The following ZZEF1 variants were observed in gnomAD, a reference collection of about 807,000 sequenced individuals.
ZZEF1 encodes zinc finger ZZ-type and EF-hand domain-containing protein 1.
ZZEF1 carries 157 observed loss-of-function variants against 342.8 expected under a neutral mutation model. That is an observed-to-expected ratio of 0.46 (90% confidence interval 0.40 to 0.52). The LOEUF (loss-of-function observed/expected upper bound fraction) is 0.52. Among genes scored for constraint, ZZEF1 ranks in the 20% least tolerant of loss-of-function variants. The probability of loss-of-function intolerance (pLI) is 0.00; values close to 1 mark genes in which losing one functional copy is unlikely to be tolerated. For missense variants in ZZEF1, 3,480 were observed against 3,725.6 expected (o/e 0.93, Z 1.72); for synonymous variants, 1,505 against 1,429.1 (o/e 1.05, Z -1.20).
Position 4,017,754 on chromosome 17 carries a change from C to T in ZZEF1, c.7642-24G>A. 1 of 1,612,262 alleles carries T rather than the reference C, an allele frequency of 6.2e-7. No individual in the cohort carries two copies. Among genetic ancestry groups the T allele is most frequent in the African/African-American group, 1.3e-5 (1 of 75,036 alleles). ...GACTGCAAACCCAAGACCACCATTA[C>T]AGAGGTCTAGCCTTCTTACAGTGGT... On this transcript the variant is annotated intron_variant, in intron 47 of 54. Transcript: ENST00000381638. The surrounding 1 kb of genome is among the most constrained non-coding windows in gnomAD (Gnocchi z 5.1).
Position 4,109,869 on chromosome 17 carries a change from G to T in ZZEF1, c.1067-6C>A, listed in dbSNP as rs774865675. 1 of 1,613,842 alleles carries T rather than the reference G, an allele frequency of 6.2e-7. No homozygotes were observed. Among genetic ancestry groups the T allele is most frequent in the Non-Finnish European group, 8.5e-7 (1 of 1,179,920 alleles). On this transcript the variant is annotated splice_region_variant and splice_polypyrimidine_tract_variant and intron_variant, in intron 5 of 54. Coordinates refer to ENST00000381638, the MANE Select transcript of ZZEF1 (RefSeq NM_015113.4). Reference sequence around the variant, plus strand: ...CTTTATGTTAATCTGGACATCTGTCGAGCACAAACAAAAAATTCAGTATTG... The same window carrying T: ...CTTTATGTTAATCTGGACATCTGTCTAGCACAAACAAAAAATTCAGTATTG...
chr17:4,017,762 T>C lies in ZZEF1; in HGVS notation c.7642-32A>G, dbSNP rs774388040. 1.2e-6 allele frequency: 2 copies of C among 1,612,970 alleles called. No individual in the cohort carries two copies. The highest frequency in any genetic ancestry group is 1.7e-6 in the Non-Finnish European group (2 of 1,179,590). On this transcript the variant is annotated intron_variant, in intron 47 of 54. Transcript: ENST00000381638. The surrounding 1 kb of genome is among the most constrained non-coding windows in gnomAD (Gnocchi z 5.1). Reference sequence around the variant, plus strand: ...ACCCAAGACCACCATTACAGAGGTCTAGCCTTCTTACAGTGGTGGTATGGG... The same window carrying C: ...ACCCAAGACCACCATTACAGAGGTCCAGCCTTCTTACAGTGGTGGTATGGG...
intron 23 of ZZEF1, among the ~76,000 whole-genome samples, chr17:4,074,578 C>T (rs1225555141): frequency 6.6e-6 from 1 of 152,228 alleles, no homozygotes; most frequent in East Asian, 1.9e-4. Flanking sequence ...CAGCTTTCTA[C>T]ACCTGGGGTG....
Position 4,088,422 on chromosome 17 carries a change from T to C in ZZEF1, c.2241+256A>G, listed in dbSNP as rs907079757. On this transcript the variant is annotated intron_variant, in intron 13 of 54. Transcript: ENST00000381638. ...CAGCCACGGCCAGGGCTCTTGAAGA[T>C]GTGTCTGTAGGTCTACTCCGGGAGA... Among the ~76,000 whole-genome samples, 5 of 152,164 alleles carry C rather than the reference T, an allele frequency of 3.3e-5. No individual in the cohort carries two copies. The South Asian group carries it at 6.2e-4, about 19-fold the overall frequency.
chr17:4,024,186 G>GTTTTTTTTTTTTTTTTTTTTTTTTT (rs754985234), intron 43 of ZZEF1, among the ~76,000 whole-genome samples: 1 of 94,408 alleles, frequency 1.1e-5, no homozygotes, highest in African/African-American at 4.0e-5. Context: ...TATTGCCCAG[G>GTTTTTTTTTTTTTTTTTTTTTTTTT]TTTTTTTTTT....
At chr17:4,097,224 C>T (rs576011035) in intron 9 of ZZEF1, among the ~76,000 whole-genome samples, 1 of 150,140 alleles carries the variant, frequency 6.7e-6, no homozygotes, top group African/African-American at 2.4e-5. Flanking sequence ...TGCACTCCAG[C>T]CTGGGCAACA....
Position 4,095,813 on chromosome 17 carries a change from G to T in ZZEF1, c.1913+18C>A, listed in dbSNP as rs752826297. 2.5e-6 allele frequency: 4 copies of T among 1,591,620 alleles called. No homozygotes were observed. Among genetic ancestry groups the T allele is most frequent in the Admixed American group, 1.8e-5 (1 of 55,404 alleles). On this transcript the variant is annotated intron_variant, in intron 11 of 54. Coordinates refer to ENST00000381638, the MANE Select transcript of ZZEF1 (RefSeq NM_015113.4). ...GTTCTGTAGATCTTTGTTCTACAAA[G>T]ATTTTTTACCTTCTTACCTGCTTTT...
chr17:4,121,447 G>A (rs966471080), intron 2 of ZZEF1, among the ~76,000 whole-genome samples: 1 of 152,150 alleles, frequency 6.6e-6, no homozygotes, highest in Non-Finnish European at 1.5e-5. Context: ...CCAATATGGT[G>A]AAACCCCATC....
At chr17:4,097,477 GAAA>G (rs1174680383) in intron 9 of ZZEF1, among the ~76,000 whole-genome samples, 13 of 13,868 alleles carry the variant, frequency 9.4e-4, no homozygotes, top group East Asian at 7.0e-3. Flanking sequence ...TTTGAAATGG[GAAA>G]AAAAAAAAAA....
rs1468513850 is a variant in ZZEF1 at position 4,064,739 on chromosome 17, G to GCAGTCT, written c.4334_4339dup (p.Glu1445_Thr1446dup). On this transcript the variant is annotated inframe_insertion, in exon 29 of 55. Coordinates refer to ENST00000381638, the MANE Select transcript of ZZEF1 (RefSeq NM_015113.4). Reference sequence around the variant, plus strand: ...TGGCTGGAGATGACTGGTTTCATCAGCAGTCTCCAACTTTTCGCAGCTTTC... The same window carrying GCAGTCT: ...TGGCTGGAGATGACTGGTTTCATCAGCAGTCTCAGTCTCCAACTTTTCGCAGCTTTC... 1 of 1,613,990 alleles carries GCAGTCT rather than the reference G, an allele frequency of 6.2e-7. No individual in the cohort carries two copies. Among genetic ancestry groups the GCAGTCT allele is most frequent in the Non-Finnish European group, 8.5e-7 (1 of 1,180,034 alleles).
chr17:4,017,479 A>G lies in ZZEF1; in HGVS notation c.7893T>C (p.Pro2631=). Reference sequence around the variant, plus strand: ...TGTCCTCGCTCACTGGCACGTGGCTAGGCCACTCGGCGAGCAGGGATGCAA... The same window carrying G: ...TGTCCTCGCTCACTGGCACGTGGCTGGGCCACTCGGCGAGCAGGGATGCAA... ...HVLASLLAEW[P]SHVPVSEDIL... Residue 2631 remains proline, a synonymous_variant, in exon 48 of 55, where the codon CCT becomes CCC. Transcript: ENST00000381638. The surrounding 1 kb of genome is among the most constrained non-coding windows in gnomAD (Gnocchi z 5.1). 1 of 1,614,248 alleles carries G rather than the reference A, an allele frequency of 6.2e-7. No homozygotes were observed. Among genetic ancestry groups the G allele is most frequent in the Non-Finnish European group, 8.5e-7 (1 of 1,180,034 alleles).
In ZZEF1 at chr17:4,014,961, C is replaced by T. The variant is rs773231311; in HGVS notation, c.8146-446G>A. On this transcript the variant is annotated intron_variant, in intron 49 of 54. Transcript: ENST00000381638. This position sits in a 1 kb window ranked among gnomAD's most constrained non-coding sequence, Gnocchi z 4.4. Reference sequence around the variant, plus strand: ...TATGCTTGGGAAGCAGGAACAGGGACAAGACCTGACTCCAGAGAGACTGGC... The same window carrying T: ...TATGCTTGGGAAGCAGGAACAGGGATAAGACCTGACTCCAGAGAGACTGGC... 2.0e-5 allele frequency among the ~76,000 whole-genome samples: 3 copies of T among 152,130 alleles called. No homozygotes were observed. The highest frequency in any genetic ancestry group is 7.2e-5 in the African/African-American group (3 of 41,416).
rs2056613697 is a variant in ZZEF1, at chr17:4,034,278, G to A, written c.6321C>T (p.Pro2107=). The change falls in exon 40 of 55, where the codon CCC becomes CCT. Residue 2107 remains proline, a synonymous_variant. Coordinates refer to ENST00000381638, the MANE Select transcript of ZZEF1 (RefSeq NM_015113.4). ...GAAGGACGTGCTCCAGGTCTATCAG[G>A]GGAACCGTGGGGCCCTGCCAAGAGA... is the stretch of plus-strand genomic sequence containing the variant. ...LPPLKSGPTV[P]LIDLEHVLPL... is the part of the protein sequence containing the mutation. The A allele has an allele frequency of 6.2e-7, 1 of 1,614,134 alleles. No homozygotes were observed. Among genetic ancestry groups the A allele is most frequent in the South Asian group, 1.1e-5 (1 of 91,078 alleles).
chr17:4,010,123 A>G (rs2055907096), intron 52 of ZZEF1, among the ~76,000 whole-genome samples: 1 of 152,052 alleles, frequency 6.6e-6, no homozygotes, highest in East Asian at 1.9e-4. Flanking sequence ...CAGGAGTTGG[A>G]GACCAACCTG....
At chr17:4,071,076 G>T in intron 25 of ZZEF1, 152 bp from the exon 26 acceptor site, 1 of 891,758 alleles carries the variant, frequency 1.1e-6, no homozygotes, top group Non-Finnish European at 1.7e-6. Flanking sequence ...ACAGAGATAT[G>T]AGTTAAAAAA....
At position 4,116,846 on chromosome 17, in the gene ZZEF1, C is replaced by G. The variant is rs1032557769; in HGVS notation, c.694+126G>C. The G allele has an allele frequency of 1.1e-5, 11 of 968,232 alleles. No homozygotes were observed. The Admixed American group carries it at 2.1e-4, about 19-fold the overall frequency. The allele number at this position is 968,232 out of a possible 1,614,324, so 60.0% of individuals were successfully genotyped here. On this transcript the variant is annotated intron_variant, in intron 3 of 54. Coordinates refer to ENST00000381638, the MANE Select transcript of ZZEF1 (RefSeq NM_015113.4). ...AATGAGGAGAAAGATCACATTCTTACGTTACAAACTCATGACTCTGTATTT... is the reference window on the plus strand; with the variant it reads ...AATGAGGAGAAAGATCACATTCTTAGGTTACAAACTCATGACTCTGTATTT...
rs534109254 is a variant in ZZEF1 at position 4,052,358 on chromosome 17, T to C, written c.5435-222A>G. Among the ~76,000 whole-genome samples the C allele has an allele frequency of 9.5e-4, 144 of 152,296 alleles. 2 individuals carry two copies. The highest frequency in any genetic ancestry group is 3.2e-3 in the African/African-American group (131 of 41,564). On this transcript the variant is annotated intron_variant, in intron 34 of 54. Coordinates refer to ENST00000381638, the MANE Select transcript of ZZEF1 (RefSeq NM_015113.4). ...ATTTCTCGGCAATGGTACAGTGAGA[T>C]CAAATGCATTATCAGGACTGCTGTT...
At chr17:4,123,607 T>G (rs1285391571) in intron 2 of ZZEF1, among the ~76,000 whole-genome samples, 1 of 152,018 alleles carries the variant, frequency 6.6e-6, no homozygotes, top group Non-Finnish European at 1.5e-5. Context: ...CAAAAAAGAA[T>G]GCAGGATGCT....
chr17:4,032,543 A>G (rs541248546), intron 41 of ZZEF1, among the ~76,000 whole-genome samples: 3 of 152,292 alleles, frequency 2.0e-5, no homozygotes, highest in African/African-American at 7.2e-5. Context: ...ATGAAAGACA[A>G]TTTTCTTTGA....
Sources: allele counts gnomAD v4.1 joint callset (sites outside exome capture counted in the v4.1 genomes callset), GRCh38; gene constraint gnomAD v4.1.1; non-coding constraint Gnocchi (gnomAD v3.1); transcripts MANE v1.5; gene names NCBI Gene and HGNC (gene_info 2026-07-23, HGNC 2026-07-21).